The following DNMT3A variants were observed in gnomAD, a reference collection of about 807,000 sequenced individuals.
DNMT3A encodes DNA (cytosine-5)-methyltransferase 3A.
In DNMT3A, 267 loss-of-function variants were observed where a neutral mutation model predicts 117.6. That is an observed-to-expected ratio of 2.27 (90% CI 2.05 to 2.51). The LOEUF (loss-of-function observed/expected upper bound fraction) is 2.51. Among genes scored for constraint, DNMT3A ranks in the 30% most tolerant of loss-of-function variants. The pLI, the probability that DNMT3A is intolerant of heterozygous loss-of-function variation, is 0.00. For synonymous variants in DNMT3A, 432 were observed against 474.8 expected (o/e 0.91, Z 1.17); for missense variants, 1,029 against 1,260.2 (o/e 0.82, Z 2.78).
chr2:25,342,243 G>A (rs1414349995), upstream of DNMT3A, among the ~76,000 whole-genome samples: 1 of 147,820 alleles, frequency 6.8e-6, no homozygotes, highest in South Asian at 2.1e-4. The surrounding 1 kb of genome is among the most constrained non-coding windows in gnomAD (Gnocchi z 5.9). Context: ...GCGACTTCCC[G>A]GCCTCTGCGG....
At chr2:25,299,719 T>G (rs1022551930) in intron 3 of DNMT3A, among the ~76,000 whole-genome samples, 3 of 152,054 alleles carry the variant, frequency 2.0e-5, no homozygotes, top group Admixed American at 6.5e-5. Context: ...TCACTTGAGG[T>G]CAGGAGTTCG....
rs867761273 is a variant in DNMT3A at position 25,233,808 on chromosome 2, A to T, written c.*471T>A. The T allele has an allele frequency of 4.4e-6, 1 of 227,110 alleles. No individual in the cohort carries two copies. Among genetic ancestry groups the T allele is most frequent in the African/African-American group, 2.2e-5 (1 of 44,858 alleles). 14.1% of individuals were successfully genotyped at this position (227,110 alleles called of 1,614,324 possible). A position where few individuals can be genotyped will look rare whatever the true frequency, so the allele number is the denominator to read the frequency against. ...AAAAAAAACAAAAAACAAAAAAAAA[A>T]ACAACCCAATATATAGATTTCTATA... On this transcript the variant is annotated 3_prime_UTR_variant, in exon 23 of 23. Coordinates refer to ENST00000321117, the MANE Select transcript of DNMT3A (RefSeq NM_022552.5).
At chr2:25,273,593 C>T (rs2031131948) in intron 6 of DNMT3A, among the ~76,000 whole-genome samples, 1 of 152,184 alleles carries the variant, frequency 6.6e-6, no homozygotes, top group African/African-American at 2.4e-5. Flanking sequence ...CAGTTCTCTA[C>T]TAATCAAACA....
chr2:25,263,877 C>T (rs1481947392), intron 6 of DNMT3A, among the ~76,000 whole-genome samples: 3 of 152,318 alleles, frequency 2.0e-5, no homozygotes, highest in Non-Finnish European at 4.4e-5. Context: ...CCCTGAGGCC[C>T]TTAGGCAGGG....
chr2:25,310,734 G>A (rs981679958), intron 2 of DNMT3A, among the ~76,000 whole-genome samples: 1 of 152,244 alleles, frequency 6.6e-6, no homozygotes, highest in Non-Finnish European at 1.5e-5. Context: ...CCGTGACCCT[G>A]CGCTCCAGGC....
chr2:25,251,836 A>G (rs1573356276), intron 6 of DNMT3A: 2 of 353,534 alleles, frequency 5.7e-6, no homozygotes, highest in Middle Eastern at 1.5e-3. Context: ...CCAGGCACCC[A>G]TCTGCCAGCT....
rs903945383 is a variant in DNMT3A, at chr2:25,229,650, C to A, written c.*4629G>T. On this transcript the variant is annotated 3_prime_UTR_variant, in exon 23 of 23. Coordinates refer to ENST00000321117, the MANE Select transcript of DNMT3A (RefSeq NM_022552.5). ...TTCAGGGCACAGTGCCAGGCAGCAC[C>A]CCCTCCCTGCCCTGGCCCTAACCCA... 4 of 152,334 alleles carry A rather than the reference C, an allele frequency of 2.6e-5. No individual in the cohort carries two copies. The highest frequency in any genetic ancestry group is 2.6e-4 in the Admixed American group (4 of 15,300). 9.4% of individuals were successfully genotyped at this position (152,334 alleles called of 1,614,324 possible). A position where few individuals can be genotyped will look rare whatever the true frequency, so the allele number is the denominator to read the frequency against.
Position 25,229,444 on chromosome 2 carries a change from A to G in DNMT3A, c.*4835T>C, listed in dbSNP as rs115265285. On this transcript the variant is annotated 3_prime_UTR_variant, in exon 23 of 23. Coordinates refer to ENST00000321117, the MANE Select transcript of DNMT3A (RefSeq NM_022552.5). ...CCTGGCAAACAGGCAGGACTCCCAG[A>G]GGACAACTCCAGGGTCGCTCTCTAG... The G allele has an allele frequency of 8.6e-3, 1,311 of 152,428 alleles. 6 individuals carry two copies. The highest frequency in any genetic ancestry group is 0.013 in the Non-Finnish European group (911 of 68,090). 9.4% of individuals were successfully genotyped at this position (152,428 alleles called of 1,614,324 possible).
At chr2:25,260,762 C>T (rs1676527721) in intron 6 of DNMT3A, among the ~76,000 whole-genome samples, 1 of 152,126 alleles carries the variant, frequency 6.6e-6, no homozygotes, top group African/African-American at 2.4e-5. Flanking sequence ...ACTCACCATG[C>T]AGTTGGCCTG....
chr2:25,265,164 CAT>C (rs1296850193), intron 6 of DNMT3A, among the ~76,000 whole-genome samples: 3 of 152,202 alleles, frequency 2.0e-5, no homozygotes, highest in Non-Finnish European at 4.4e-5. Context: ...TTCAGGACCA[CAT>C]GAGTAGAGCA....
rs966960207 is a variant in DNMT3A, at chr2:25,327,072, G to T, written c.-177-12911C>A. Reference sequence around the variant, plus strand: ...CCATCGCCACACCCTCTCCATCAAGGTGTGGATCTCAACCCTGCGGGGCCT... The same window carrying T: ...CCATCGCCACACCCTCTCCATCAAGTTGTGGATCTCAACCCTGCGGGGCCT... On this transcript the variant is annotated intron_variant, in intron 1 of 22. Coordinates refer to ENST00000321117, the MANE Select transcript of DNMT3A (RefSeq NM_022552.5). The surrounding 1 kb of genome is among the most constrained non-coding windows in gnomAD (Gnocchi z 4.1). 6.6e-6 allele frequency among the ~76,000 whole-genome samples: 1 copy of T among 152,204 alleles called. No homozygotes were observed. Among genetic ancestry groups the T allele is most frequent in the African/African-American group, 2.4e-5 (1 of 41,444 alleles).
rs2030293048 is a variant in DNMT3A at position 25,265,893 on chromosome 2, T to A, written c.639+9048A>T. Among the ~76,000 whole-genome samples, 3 of 152,196 alleles carry A rather than the reference T, an allele frequency of 2.0e-5. No homozygotes were observed. The South Asian group carries it at 6.2e-4, about 31-fold the overall frequency. ...GTGAAAGCTAATGCTCCTGGCATAG[T>A]GCCTGATGTAAAGTAGGTGCTCAGT... On this transcript the variant is annotated intron_variant, in intron 6 of 22. Coordinates refer to ENST00000321117, the MANE Select transcript of DNMT3A (RefSeq NM_022552.5).
At chr2:25,332,711 G>A (rs2035060385) in intron 1 of DNMT3A, among the ~76,000 whole-genome samples, 1 of 152,264 alleles carries the variant, frequency 6.6e-6, no homozygotes, top group Non-Finnish European at 1.5e-5. Flanking sequence ...GTGACTGACT[G>A]CCCAGCCCCA....
At position 25,247,396 on chromosome 2, in the gene DNMT3A, C is replaced by A. The variant is rs1674942897; in HGVS notation, c.1014+195G>T. On this transcript the variant is annotated intron_variant, in intron 8 of 22. Coordinates refer to ENST00000321117, the MANE Select transcript of DNMT3A (RefSeq NM_022552.5). The surrounding 1 kb of genome is among the most constrained non-coding windows in gnomAD (Gnocchi z 5.6). ...AGGTTCCTGGAAGGCTAAAACTGGG[C>A]CAGCATCCTAGCTCTCTGAGCCACA... is the stretch of plus-strand genomic sequence containing the variant. 10 of 939,416 alleles carry A rather than the reference C, an allele frequency of 1.1e-5. No homozygotes were observed. The South Asian group carries it at 1.7e-4, about 16-fold the overall frequency. The allele number at this position is 939,416 out of a possible 1,614,324, so 58.2% of individuals were successfully genotyped here.
At chr2:25,267,592 G>T (rs2149354308) in intron 6 of DNMT3A, among the ~76,000 whole-genome samples, 1 of 152,254 alleles carries the variant, frequency 6.6e-6, no homozygotes, top group South Asian at 2.1e-4. Context: ...ATTTTGGGGT[G>T]GCAAGTTTGG....
chr2:25,300,727 AT>A (rs2033437850), intron 2 of DNMT3A, among the ~76,000 whole-genome samples: 4 of 25,478 alleles, frequency 1.6e-4, no homozygotes, highest in Non-Finnish European at 2.1e-4. Flanking sequence ...ATATATATAT[AT>A]ATATATATAT....
intron 3 of DNMT3A, among the ~76,000 whole-genome samples, chr2:25,297,155 C>G (rs923172431): frequency 6.6e-6 from 1 of 152,160 alleles, no homozygotes; most frequent in Non-Finnish European, 1.5e-5. Flanking sequence ...GCAGGAATCC[C>G]CCAACATGGG....
At chr2:25,263,275 C>G (rs573808852) in intron 6 of DNMT3A, among the ~76,000 whole-genome samples, 1 of 152,238 alleles carries the variant, frequency 6.6e-6, no homozygotes, top group Admixed American at 6.5e-5. Context: ...CTCCAGGAAG[C>G]TTTCCTGGAG....
At chr2:25,241,271 G>A (rs892117363) in intron 17 of DNMT3A, among the ~76,000 whole-genome samples, 3 of 152,226 alleles carry the variant, frequency 2.0e-5, no homozygotes, top group African/African-American at 7.2e-5. Flanking sequence ...TAGGCACTAT[G>A]TTGCCCAAGC....
Sources: gnomAD v4.1 joint callset for allele counts (sites outside exome capture counted in the v4.1 genomes callset) on GRCh38, gnomAD v4.1.1 for gene constraint, Gnocchi (gnomAD v3.1) non-coding constraint, MANE v1.5 for transcripts, NCBI Gene and HGNC (gene_info 2026-07-23, HGNC 2026-07-21) for gene names.